Variants in ASTE1 observed in about 807,000 individuals in gnomAD.
ASTE1 encodes the protein single-strand DNA endonuclease ASTE1.
In ASTE1, 49 loss-of-function variants were observed where a neutral mutation model predicts 45.8. That is an observed-to-expected ratio of 1.07 (90% CI 0.85 to 1.36). The LOEUF is 1.36. ASTE1 is among the 40% of genes most tolerant of loss of function. The probability of loss-of-function intolerance (pLI) is 0.00; values close to 1 mark genes in which losing one functional copy is unlikely to be tolerated. For missense variants in ASTE1, 709 were observed against 804.0 expected (o/e 0.88, Z 1.43); for synonymous variants, 296 against 303.9 (o/e 0.97, Z 0.27).
chr3:131,024,008 A>T lies in ASTE1; in HGVS notation c.1299T>A (p.Thr433=). 6.3e-7 allele frequency: 1 copy of T among 1,585,432 alleles called. No homozygotes were observed. The highest frequency in any genetic ancestry group is 8.6e-7 in the Non-Finnish European group (1 of 1,164,000). The change falls in exon 3 of 6, where the codon ACT becomes ACA. Residue 433 remains threonine (T), a synonymous_variant. Coordinates refer to ENST00000264992, the MANE Select transcript of ASTE1 (RefSeq NM_014065.4). ...AKDHSDLSRL[T]ELSLRRRQML... is the part of the protein sequence containing the mutation. ...CATTAGTATTACAAATACTTACCTCAGTCAATCTGCTTAAGTCAGAATGAT... is the reference window on the plus strand; with the variant it reads ...CATTAGTATTACAAATACTTACCTCTGTCAATCTGCTTAAGTCAGAATGAT...
chr3:131,016,990 C>A (rs759307381), intron 4 of ASTE1: 48 of 1,289,118 alleles, frequency 3.7e-5, no homozygotes, highest in Non-Finnish European at 4.7e-5. Flanking sequence ...GGAGGCCCAC[C>A]TTTTACCAAC....
In ASTE1 at chr3:131,024,732, T is replaced by C. The variant is rs2063787448; in HGVS notation, c.575A>G (p.Tyr192Cys). Reference sequence around the variant, plus strand: ...AAGGGAAAAGCATTTGGCAGGGATATAGTTTTGTGTGCCCTTAATAGTGTT... The same window carrying C: ...AAGGGAAAAGCATTTGGCAGGGATACAGTTTTGTGTGCCCTTAATAGTGTT... Reference protein sequence around the residue: ...NMNTIKGTQNYIPAKCFSLDA... With the variant: ...NMNTIKGTQNCIPAKCFSLDA... Residue 192 changes from tyrosine (Y) to cysteine (C), a missense_variant, in exon 3 of 6, where the codon TAT (tyrosine) becomes TGT (cysteine). By Grantham distance (194) the Tyr-to-Cys change is radical. Coordinates refer to ENST00000264992, the MANE Select transcript of ASTE1 (RefSeq NM_014065.4). The C allele has an allele frequency of 2.5e-6, 4 of 1,610,582 alleles. No homozygotes were observed. The highest frequency in any genetic ancestry group is 3.4e-6 in the Non-Finnish European group (4 of 1,178,224).
At position 131,018,576 on chromosome 3, in the gene ASTE1, C is replaced by T. The variant is rs748788320; in HGVS notation, c.1443G>A (p.Lys481=). The T allele has an allele frequency of 3.1e-6, 5 of 1,614,026 alleles. No homozygotes were observed. The highest frequency in any genetic ancestry group is 4.2e-6 in the Non-Finnish European group (5 of 1,180,012). Residue 481 remains lysine (K), a synonymous_variant, in exon 4 of 6, where the codon AAG becomes AAA. Coordinates refer to ENST00000264992, the MANE Select transcript of ASTE1 (RefSeq NM_014065.4). ...YWLQHTETKA[K]LHHLQSLLLT... is the part of the protein sequence containing the mutation. The stretch of plus-strand genomic sequence containing the variant: ...GCAGTAAGGATTGTAGATGATGTAG[C>T]TTTGCTTTGGTCTCGGTGTGCTGCA...
rs1406931185 is a variant in ASTE1, at chr3:131,024,718, A to G, written c.589T>C (p.Cys197Arg). ...TGGCAGAATGCATCAAGGGAAAAGC[A>G]TTTGGCAGGGATATAGTTTTGTGTG... ...KGTQNYIPAK[C>R]FSLDAFCHHF... Residue 197 changes from cysteine (C) to arginine (R), a missense_variant, in exon 3 of 6, where the codon TGC (cysteine) becomes CGC (arginine). Cys to Arg is a radical substitution (Grantham distance 180). Coordinates refer to ENST00000264992, the MANE Select transcript of ASTE1 (RefSeq NM_014065.4). 6 of 1,606,252 alleles carry G rather than the reference A, an allele frequency of 3.7e-6. No individual in the cohort carries two copies. Among genetic ancestry groups the G allele is most frequent in the Non-Finnish European group, 4.3e-6 (5 of 1,176,046 alleles).
intron 4 of ASTE1, 49 bp downstream of exon 4, chr3:131,018,457 T>G (rs2063696276): frequency 6.4e-7 from 1 of 1,556,932 alleles, no homozygotes; most frequent in South Asian, 1.1e-5. Flanking sequence ...GAGTAAACAG[T>G]TTGCAAGCAA....
At position 131,018,834 on chromosome 3, in the gene ASTE1, ATCT is replaced by A. The variant is rs1317306743; in HGVS notation, c.1303-121_1303-119del. Reference sequence around the variant, plus strand: ...GAAACTTCTGTCAGCTGTTAAACTTATCTTCTTGTGGGAAAAAAAATCAGCCAC... The same window carrying A: ...GAAACTTCTGTCAGCTGTTAAACTTATCTTGTGGGAAAAAAAATCAGCCAC... On this transcript the variant is annotated intron_variant, in intron 3 of 5. Coordinates refer to ENST00000264992, the MANE Select transcript of ASTE1 (RefSeq NM_014065.4). 19 of 1,014,832 alleles carry A rather than the reference ATCT, an allele frequency of 1.9e-5. No individual in the cohort carries two copies. The Admixed American group carries it at 2.6e-4, about 14-fold the overall frequency. 62.9% of individuals were successfully genotyped at this position (1,014,832 alleles called of 1,614,324 possible).
chr3:131,026,075 C>T (rs1295958604), intron 1 of ASTE1: 2 of 151,202 alleles, frequency 1.3e-5, no homozygotes, highest in African/African-American at 4.9e-5. Flanking sequence ...ACACCTCGGG[C>T]TTCAATATGG....
intron 4 of ASTE1, 132 bp downstream of exon 4, chr3:131,018,374 C>T: frequency 1.2e-6 from 1 of 844,810 alleles, no homozygotes; most frequent in South Asian, 1.7e-5. Context: ...TATTTTGGTG[C>T]CTCCACATCT....
chr3:131,019,356 G>T (rs561053855), intron 3 of ASTE1, among the ~76,000 whole-genome samples: 23 of 152,338 alleles, frequency 1.5e-4, no homozygotes, highest in African/African-American at 4.3e-4. Flanking sequence ...TTGTAGATTA[G>T]AGGTATATTC....
chr3:131,025,576 A>T lies in ASTE1; in HGVS notation c.-128T>A, dbSNP rs571499782. The T allele has an allele frequency of 2.3e-6, 1 of 436,736 alleles. No individual in the cohort carries two copies. Among genetic ancestry groups the T allele is most frequent in the South Asian group, 5.3e-5 (1 of 18,778 alleles). The allele number at this position is 436,736 out of a possible 1,614,324, so 27.1% of individuals were successfully genotyped here. A position where few individuals can be genotyped will look rare whatever the true frequency, so the allele number is the denominator to read the frequency against. ...CATGGGTTGTAATCTTTGGATGGTG[A>T]CAGAGGCTGCTGCTAATTCTAAAGA... On this transcript the variant is annotated 5_prime_UTR_variant, in exon 2 of 6. Transcript: ENST00000264992.
chr3:131,019,463 C>G (rs371194480), intron 3 of ASTE1, among the ~76,000 whole-genome samples: 1 of 152,148 alleles, frequency 6.6e-6, no homozygotes, highest in African/African-American at 2.4e-5. Flanking sequence ...CAAATAAAAG[C>G]TCAGAAGTAA....
rs747000434 is a variant in ASTE1, at chr3:131,018,498, T to C, written c.1513+8A>G. The C allele has an allele frequency of 8.7e-6, 14 of 1,612,456 alleles. No homozygotes were observed. The highest frequency in any genetic ancestry group is 1.1e-5 in the Non-Finnish European group (13 of 1,178,652). On this transcript the variant is annotated splice_region_variant and intron_variant, in intron 4 of 5. Transcript: ENST00000264992. ...CACAATATACTCCTGTAATTTCCAG[T>C]TACCTACCAGGGCTGTTGATTATGG...
At position 131,024,614 on chromosome 3, in the gene ASTE1, G is replaced by A. The variant is rs144860911; in HGVS notation, c.693C>T (p.Ile231=). 235 of 1,607,918 alleles carry A rather than the reference G, an allele frequency of 1.5e-4. No individual in the cohort carries two copies. Among genetic ancestry groups the A allele is most frequent in the Non-Finnish European group, 2.0e-4 (231 of 1,176,756 alleles). ...GCGCTTTACTTAAGAATGTCTCCATGATGGGTAGATTAACATGGTCATTTC... is the reference window on the plus strand; with the variant it reads ...GCGCTTTACTTAAGAATGTCTCCATAATGGGTAGATTAACATGGTCATTTC... The part of the protein sequence containing the change: ...LCGNDHVNLP[I]METFLSKARL... The change falls in exon 3 of 6, where the codon ATC becomes ATT. Residue 231 remains isoleucine (I), a synonymous_variant. Coordinates refer to ENST00000264992, the MANE Select transcript of ASTE1 (RefSeq NM_014065.4).
In ASTE1 at chr3:131,024,268, C is replaced by G; in HGVS notation, c.1039G>C (p.Val347Leu). The G allele has an allele frequency of 6.2e-7, 1 of 1,614,172 alleles. No homozygotes were observed. Among genetic ancestry groups the G allele is most frequent in the Non-Finnish European group, 8.5e-7 (1 of 1,180,026 alleles). The change falls in exon 3 of 6, where the codon GTC (valine) becomes CTC (leucine). Residue 347 changes from valine to leucine, a missense_variant. Transcript: ENST00000264992. ...QLSPFISDAL[V>L]LRRTILPTQV... ...GTGGGAAGAATGGTCCGTCTTAGGA[C>G]CAAAGCATCACTGATGAAAGGAGAT...
rs1577092865 is a variant in ASTE1 at position 131,015,153 on chromosome 3, A to G, written c.1710-766T>C. On this transcript the variant is annotated intron_variant, in intron 5 of 5. Transcript: ENST00000264992. ...TATAAGGCCCAGAGATATATTAACA[A>G]CACTGTTTACTGCCAGGAGGCTTTT... 6 of 697,310 alleles carry G rather than the reference A, an allele frequency of 8.6e-6. No individual in the cohort carries two copies. The East Asian group carries it at 1.6e-4, about 19-fold the overall frequency. 43.2% of individuals were successfully genotyped at this position (697,310 alleles called of 1,614,324 possible). A position where few individuals can be genotyped will look rare whatever the true frequency, so the allele number is the denominator to read the frequency against.
At chr3:131,018,771 CT>C (rs1335053743) in intron 3 of ASTE1, 55 bp from the exon 4 acceptor site, 1 of 1,554,836 alleles carries the variant, frequency 6.4e-7, no homozygotes. Flanking sequence ...TCTGTTATTT[CT>C]TTTTTCCACC....
At position 131,018,664 on chromosome 3, in the gene ASTE1, T is replaced by C; in HGVS notation, c.1355A>G (p.Gln452Arg). 1 of 1,614,140 alleles carries C rather than the reference T, an allele frequency of 6.2e-7. No individual in the cohort carries two copies. Among genetic ancestry groups the C allele is most frequent in the East Asian group, 2.2e-5 (1 of 44,868 alleles). The change falls in exon 4 of 6, where the codon CAG becomes CGG. Residue 452 changes from glutamine (Q) to arginine (R), a missense_variant. By Grantham distance (43) the Gln-to-Arg change is conservative (BLOSUM62 1). Coordinates refer to ENST00000264992, the MANE Select transcript of ASTE1 (RefSeq NM_014065.4). Reference sequence around the variant, plus strand: ...AGTAGGGATTGGCTCCAGAATGGTCTGTTTCACCTTCAGGGTTTCTAACAG... The same window carrying C: ...AGTAGGGATTGGCTCCAGAATGGTCCGTTTCACCTTCAGGGTTTCTAACAG... ...MLLLETLKVK[Q>R]TILEPIPTSL... is the part of the protein sequence containing the mutation.
At chr3:131,019,663 C>T (rs2063716357) in intron 3 of ASTE1, among the ~76,000 whole-genome samples, 1 of 152,130 alleles carries the variant, frequency 6.6e-6, no homozygotes, top group Non-Finnish European at 1.5e-5. Context: ...CTGCACACAG[C>T]CAGAAAAAGA....
chr3:131,021,393 GAAAT>G (rs1311278570), intron 3 of ASTE1, among the ~76,000 whole-genome samples: 4 of 152,194 alleles, frequency 2.6e-5, no homozygotes, highest in African/African-American at 7.2e-5. Flanking sequence ...ACAGCAATGA[GAAAT>G]GAATGATCAA....
Sources: gnomAD v4.1 joint callset for allele counts (sites outside exome capture counted in the v4.1 genomes callset) on GRCh38, gnomAD v4.1.1 for gene constraint, MANE v1.5 for transcripts, NCBI Gene and HGNC (gene_info 2026-07-23, HGNC 2026-07-21) for gene names.